TMEM161B: variants seen among roughly 807,000 people sequenced by gnomAD.
TMEM161B encodes transmembrane protein 161B.
TMEM161B carries 34 observed loss-of-function variants against 61.8 expected under a neutral mutation model. That is an observed-to-expected ratio of 0.55 (90% confidence interval 0.42 to 0.73). The LOEUF (loss-of-function observed/expected upper bound fraction) is 0.73, where lower values mean the gene tolerates loss of function less well. Ranked by LOEUF, TMEM161B falls within the 30% of genes least tolerant of loss-of-function variation. TMEM161B has a pLI of 0.00. For synonymous variants in TMEM161B, 167 were observed against 192.8 expected (o/e 0.87, Z 1.11); for missense variants, 456 against 558.5 (o/e 0.82, Z 1.85).
downstream of TMEM161B, among the ~76,000 whole-genome samples, chr5:88,185,913 A>G (rs1748337279): frequency 6.6e-6 from 1 of 152,250 alleles, no homozygotes; most frequent in African/African-American, 2.4e-5. Context: ...ATACAGCTGA[A>G]TAATCATAAA....
Position 88,236,628 on chromosome 5 carries a change from T to C in TMEM161B, c.107+4185A>G, listed in dbSNP as rs114335715. Among the ~76,000 whole-genome samples, 600 of 152,308 alleles carry C rather than the reference T, an allele frequency of 3.9e-3. 3 individuals are homozygous for C. Among genetic ancestry groups the C allele is most frequent in the African/African-American group, 0.014 (569 of 41,570 alleles). On this transcript the variant is annotated intron_variant, in intron 2 of 11. Transcript: ENST00000296595. ...ACAGAGAAACAACTTCTAAGGATTT[T>C]TGTTCCCTTTTAGGAAGGAAAGAGA...
At chr5:88,261,695 A>C (rs1755703241) in intron 1 of TMEM161B, among the ~76,000 whole-genome samples, 1 of 131,594 alleles carries the variant, frequency 7.6e-6, no homozygotes, top group Non-Finnish European at 1.6e-5. Context: ...AACAAATTTC[A>C]CCAAATGGTA....
chr5:88,263,943 A>G (rs185981381), intron 1 of TMEM161B, among the ~76,000 whole-genome samples: 38 of 152,290 alleles, frequency 2.5e-4, no homozygotes, highest in African/African-American at 8.4e-4. Flanking sequence ...AAGAAACCTG[A>G]ATGTTTCCTC....
Position 88,207,125 on chromosome 5 carries a change from T to C in TMEM161B, c.502A>G (p.Arg168Gly). 6.2e-7 allele frequency: 1 copy of C among 1,613,288 alleles called. No individual in the cohort carries two copies. Among genetic ancestry groups the C allele is most frequent in the South Asian group, 1.1e-5 (1 of 91,000 alleles). ...HYFKVEDGGE[R>G]SVCVTFGFFF... The stretch of plus-strand genomic sequence containing the variant: ...AATCCAAAGGTGACACAAACAGATC[T>C]TTCACCACCATCTTCTACTTTAAAA... The change falls in exon 6 of 12, where the codon AGA becomes GGA. Residue 168 changes from arginine (R) to glycine (G), a missense_variant. Physicochemically the swap from Arg to Gly is moderately radical, Grantham distance 125. Transcript: ENST00000296595.
At chr5:88,261,902 T>C (rs1755739862) in intron 1 of TMEM161B, among the ~76,000 whole-genome samples, 2 of 152,050 alleles carry the variant, frequency 1.3e-5, no homozygotes, top group Admixed American at 1.3e-4. Flanking sequence ...ACCAAAGGCA[T>C]GATCCATGAA....
chr5:88,236,171 T>C (rs562423749), intron 2 of TMEM161B, among the ~76,000 whole-genome samples: 1 of 152,202 alleles, frequency 6.6e-6, no homozygotes, highest in Admixed American at 6.5e-5. Context: ...TTAACCGATA[T>C]GGGATGAGAC....
chr5:88,187,028 G>A (rs1041183968), downstream of TMEM161B, among the ~76,000 whole-genome samples: 1 of 152,164 alleles, frequency 6.6e-6, no homozygotes, highest in Non-Finnish European at 1.5e-5. Context: ...CTCTTGAATT[G>A]ATTCTTGTGT....
chr5:88,268,810 A>G lies in TMEM161B; in HGVS notation c.-87T>C. Reference sequence around the variant, plus strand: ...TACCTCCCGGTCCTTGAGCCGAGAGACTCTCAAACAGCGAAAGAGAGGGTC... The same window carrying G: ...TACCTCCCGGTCCTTGAGCCGAGAGGCTCTCAAACAGCGAAAGAGAGGGTC... On this transcript the variant is annotated 5_prime_UTR_variant, in exon 1 of 12. Coordinates refer to ENST00000296595, the MANE Select transcript of TMEM161B (RefSeq NM_153354.5). 6.2e-7 allele frequency: 1 copy of G among 1,600,726 alleles called. No homozygotes were observed. The highest frequency in any genetic ancestry group is 1.1e-5 in the South Asian group (1 of 90,212).
At chr5:88,220,431 T>C (rs773001099) in intron 5 of TMEM161B, 132 bp downstream of exon 5, 10 of 792,520 alleles carry the variant, frequency 1.3e-5, no homozygotes, top group Non-Finnish European at 1.4e-5. Flanking sequence ...TTGAAAAATA[T>C]TTTCAATTAC....
chr5:88,189,620 C>T (rs1748584060), downstream of TMEM161B: 2 of 157,188 alleles, frequency 1.3e-5, no homozygotes, highest in South Asian at 1.9e-4. Flanking sequence ...AATAAGCTAA[C>T]AGGGCATCTC....
intron 4 of TMEM161B, among the ~76,000 whole-genome samples, chr5:88,225,098 G>C (rs534923030): frequency 6.6e-6 from 1 of 151,118 alleles, no homozygotes; most frequent in Non-Finnish European, 1.5e-5. Context: ...TCCCTGAGTA[G>C]CTGGGACTAC....
At chr5:88,207,402 A>C (rs113632873) in intron 5 of TMEM161B, among the ~76,000 whole-genome samples, 1 of 152,176 alleles carries the variant, frequency 6.6e-6, no homozygotes, top group South Asian at 2.1e-4. Context: ...AGGTTATTTC[A>C]AGATTTTTAT....
intron 9 of TMEM161B, chr5:88,200,496 T>C (rs1481667786): frequency 1.3e-5 from 2 of 152,096 alleles, no homozygotes; most frequent in Admixed American, 1.3e-4. Context: ...AGACAGCTAT[T>C]TCACAGCCTT....
chr5:88,212,361 A>T (rs1468749134), intron 5 of TMEM161B, among the ~76,000 whole-genome samples: 3 of 152,214 alleles, frequency 2.0e-5, no homozygotes, highest in Non-Finnish European at 4.4e-5. Flanking sequence ...AATAGGAAAG[A>T]AAAGTCAAGG....
chr5:88,263,997 C>T (rs1756025048), intron 1 of TMEM161B, among the ~76,000 whole-genome samples: 2 of 152,048 alleles, frequency 1.3e-5, no homozygotes, highest in South Asian at 4.1e-4. Context: ...ATGACCGAAT[C>T]CATCCTTCAA....
At chr5:88,267,329 A>G (rs969310037) in intron 1 of TMEM161B, among the ~76,000 whole-genome samples, 8 of 152,060 alleles carry the variant, frequency 5.3e-5, no homozygotes, top group African/African-American at 1.7e-4. Flanking sequence ...AATACAAACC[A>G]TATTATTCAC....
chr5:88,214,304 C>T (rs1342068942), intron 5 of TMEM161B, among the ~76,000 whole-genome samples: 1 of 152,106 alleles, frequency 6.6e-6, no homozygotes, highest in East Asian at 1.9e-4. Context: ...GGAAATGTGA[C>T]TAATGATCCA....
chr5:88,242,368 A>C (rs1209619809), intron 1 of TMEM161B, among the ~76,000 whole-genome samples: 1 of 145,890 alleles, frequency 6.9e-6, no homozygotes, highest in Non-Finnish European at 1.5e-5. Flanking sequence ...CTTTATTACT[A>C]CATTGATGAT....
At chr5:88,268,521 A>G (rs972167761) in intron 1 of TMEM161B, among the ~76,000 whole-genome samples, 200 bp downstream of exon 1, 1 of 152,262 alleles carries the variant, frequency 6.6e-6, no homozygotes, top group East Asian at 1.9e-4. Flanking sequence ...CCGGCCCGCT[A>G]GTCTCCCAGA....
Sources: allele counts gnomAD v4.1 joint callset (sites outside exome capture counted in the v4.1 genomes callset), GRCh38; gene constraint gnomAD v4.1.1; transcripts MANE v1.5; gene names NCBI Gene and HGNC (gene_info 2026-07-23, HGNC 2026-07-21).